Variants in ARHGAP1 observed in about 807,000 individuals in gnomAD.
The protein encoded by ARHGAP1 is rho GTPase-activating protein 1.
A neutral mutation model predicts 52.2 loss-of-function variants in ARHGAP1; 23 were observed. The observed-to-expected ratio is 0.44, with a 90% CI of 0.32 to 0.62. The LOEUF (loss-of-function observed/expected upper bound fraction) is 0.62, where lower values mean the gene tolerates loss of function less well. Among genes scored for constraint, ARHGAP1 ranks in the 20% least tolerant of loss-of-function variants. The pLI is 0.05. For missense variants in ARHGAP1, 480 were observed against 560.9 expected (o/e 0.86, Z 1.46); for synonymous variants, 210 against 228.4 (o/e 0.92, Z 0.73).
chr11:46,677,720 G>A lies in ARHGAP1; in HGVS notation c.*1317C>T, dbSNP rs1405275981. The A allele has an allele frequency of 4.0e-5, 10 of 249,680 alleles. No individual in the cohort carries two copies. In the Admixed American group the frequency reaches 4.9e-4, roughly 12 times the overall value. 15.5% of individuals were successfully genotyped at this position (249,680 alleles called of 1,614,324 possible). A position where few individuals can be genotyped will look rare whatever the true frequency, so the allele number is the denominator to read the frequency against. ...GAATCCCAGCACTTTGGGAGGCCGA[G>A]GTGGGTGGATCATGAGGTCAGGAGA... On this transcript the variant is annotated 3_prime_UTR_variant, in exon 13 of 13. Transcript: ENST00000311956.
In ARHGAP1 at chr11:46,679,164, G is replaced by A. The variant is rs1288278606; in HGVS notation, c.1193C>T (p.Pro398Leu). The stretch of plus-strand genomic sequence containing the variant: ...CGCATCCTTGGCCCACAGCAGGTTA[G>A]GGCCGAAAACAACAGCCAGGTTAGT... ...TNTNLAVVFGPNLLWAKDAAI... is the reference protein window; with the variant it reads ...TNTNLAVVFGLNLLWAKDAAI... The change falls in exon 13 of 13, where the codon CCT becomes CTT. Residue 398 changes from proline to leucine, a missense_variant. By Grantham distance (98) the Pro-to-Leu change is moderately conservative. Coordinates refer to ENST00000311956, the MANE Select transcript of ARHGAP1 (RefSeq NM_004308.5). This position sits in a 1 kb window ranked among gnomAD's most constrained non-coding sequence, Gnocchi z 4.4. 6.2e-7 allele frequency: 1 copy of A among 1,613,636 alleles called. No individual in the cohort carries two copies. The highest frequency in any genetic ancestry group is 1.7e-5 in the Admixed American group (1 of 59,946).
At position 46,681,853 on chromosome 11, in the gene ARHGAP1, A is replaced by G. The variant is rs1438509157; in HGVS notation, c.449+198T>C. Among the ~76,000 whole-genome samples, 1 of 152,240 alleles carries G rather than the reference A, an allele frequency of 6.6e-6. No homozygotes were observed. The highest frequency in any genetic ancestry group is 2.4e-5 in the African/African-American group (1 of 41,460). ...AAGAGGTTAAGTAAAACAAGAGGTCAGAGTGCAAATAAGCTGAGAAACTGG... is the reference window on the plus strand; with the variant it reads ...AAGAGGTTAAGTAAAACAAGAGGTCGGAGTGCAAATAAGCTGAGAAACTGG... On this transcript the variant is annotated intron_variant, in intron 5 of 12. Coordinates refer to ENST00000311956, the MANE Select transcript of ARHGAP1 (RefSeq NM_004308.5). The surrounding 1 kb of genome is among the most constrained non-coding windows in gnomAD (Gnocchi z 5.7).
At chr11:46,691,207 T>G (rs1295834185) in intron 3 of ARHGAP1, among the ~76,000 whole-genome samples, 1 of 152,220 alleles carries the variant, frequency 6.6e-6, no homozygotes, top group East Asian at 1.9e-4. Flanking sequence ...TGGCAGGTAT[T>G]CAATACGTTT....
intron 3 of ARHGAP1, among the ~76,000 whole-genome samples, chr11:46,694,102 A>G (rs2064634274): frequency 6.6e-6 from 1 of 152,168 alleles, no homozygotes; most frequent in Admixed American, 6.5e-5. Context: ...GCCTCCTCTC[A>G]GCAATCAGGG....
At position 46,680,090 on chromosome 11, in the gene ARHGAP1, C is replaced by T. The variant is rs1343227982; in HGVS notation, c.898+115G>A. 2.0e-5 allele frequency: 26 copies of T among 1,317,604 alleles called. No individual in the cohort carries two copies. The highest frequency in any genetic ancestry group is 1.2e-4 in the African/African-American group (8 of 68,600). The allele number at this position is 1,317,604 out of a possible 1,614,324, so 81.6% of individuals were successfully genotyped here. A position where few individuals can be genotyped will look rare whatever the true frequency, so the allele number is the denominator to read the frequency against. ...AGGACTTATGTGACACCCAGAGCCACGGAAACCTCCAGCAGGAAGAGACTC... is the reference window on the plus strand; with the variant it reads ...AGGACTTATGTGACACCCAGAGCCATGGAAACCTCCAGCAGGAAGAGACTC... On this transcript the variant is annotated intron_variant, in intron 10 of 12. Transcript: ENST00000311956. This position sits in a 1 kb window ranked among gnomAD's most constrained non-coding sequence, Gnocchi z 5.9.
At position 46,694,878 on chromosome 11, in the gene ARHGAP1, G is replaced by C. The variant is rs545145746; in HGVS notation, c.229+782C>G. ...AGCCAGACAGGCTTCTTCCAGGGCC[G>C]GTGTCTGCCAGGTTCTCCTTGCCCA... On this transcript the variant is annotated intron_variant, in intron 3 of 12. Transcript: ENST00000311956. Among the ~76,000 whole-genome samples the C allele has an allele frequency of 2.0e-5, 3 of 152,240 alleles. No homozygotes were observed. The South Asian group carries it at 6.2e-4, about 32-fold the overall frequency.
chr11:46,696,606 C>T lies in ARHGAP1; in HGVS notation c.-49-450G>A, dbSNP rs369662657. On this transcript the variant is annotated intron_variant, in intron 1 of 12. Transcript: ENST00000311956. The surrounding 1 kb of genome is among the most constrained non-coding windows in gnomAD (Gnocchi z 4.8). ...GGAACATGCTGGGCACCGTGGCTCA[C>T]GCCTGTAATCCCAGCACTTTGGGAG... Among the ~76,000 whole-genome samples the T allele has an allele frequency of 2.0e-5, 3 of 152,348 alleles. No individual in the cohort carries two copies. The highest frequency in any genetic ancestry group is 1.9e-4 in the East Asian group (1 of 5,184).
chr11:46,679,856 C>T lies in ARHGAP1; in HGVS notation c.899-80G>A. The T allele has an allele frequency of 5.0e-6, 8 of 1,586,572 alleles. No individual in the cohort carries two copies. Among genetic ancestry groups the T allele is most frequent in the South Asian group, 1.1e-5 (1 of 88,038 alleles). On this transcript the variant is annotated intron_variant, in intron 10 of 12. Coordinates refer to ENST00000311956, the MANE Select transcript of ARHGAP1 (RefSeq NM_004308.5). The surrounding 1 kb of genome is among the most constrained non-coding windows in gnomAD (Gnocchi z 4.4). ...TCTGCAGACAACGCGGGCCGCACTG[C>T]CTGACTGCCCCTGGACACTGCATAA...
rs984571365 is a variant in ARHGAP1 at position 46,685,561 on chromosome 11, G to A, written c.317+2612C>T. Among the ~76,000 whole-genome samples, 52 of 151,792 alleles carry A rather than the reference G, an allele frequency of 3.4e-4. No individual in the cohort carries two copies. In the Middle Eastern group the frequency reaches 0.014, roughly 40 times the overall value. On this transcript the variant is annotated intron_variant, in intron 4 of 12. Coordinates refer to ENST00000311956, the MANE Select transcript of ARHGAP1 (RefSeq NM_004308.5). ...AGGCTGGTGTTGAACTCCTGACCTC[G>A]TGATCCACCCACCTTCGCCTCCCAA...
chr11:46,695,758 G>A lies in ARHGAP1; in HGVS notation c.134-3C>T. 6.4e-7 allele frequency: 1 copy of A among 1,552,620 alleles called. No individual in the cohort carries two copies. Among genetic ancestry groups the A allele is most frequent in the Non-Finnish European group, 8.7e-7 (1 of 1,147,376 alleles). ...CGGGGAGCTGCTTTTGGAGTCATCT[G>A]AGGAACACAGCAGGGTCAGGGGACA... On this transcript the variant is annotated splice_polypyrimidine_tract_variant and splice_region_variant and intron_variant, in intron 2 of 12. Coordinates refer to ENST00000311956, the MANE Select transcript of ARHGAP1 (RefSeq NM_004308.5).
At chr11:46,683,846 G>A (rs998661156) in intron 4 of ARHGAP1, among the ~76,000 whole-genome samples, 48 of 152,080 alleles carry the variant, frequency 3.2e-4, no homozygotes, top group East Asian at 1.7e-3. Context: ...CTCCATGTTC[G>A]TCAGGCTGGT....
chr11:46,685,087 CAAAA>C (rs774989985), intron 4 of ARHGAP1, among the ~76,000 whole-genome samples: 1 of 80,372 alleles, frequency 1.2e-5, no homozygotes, highest in Admixed American at 1.4e-4. Flanking sequence ...GGCTCGGTCT[CAAAA>C]AAAAAAAAAA....
rs1300493812 is a variant in ARHGAP1, at chr11:46,680,857, CTG to C, written c.636-112_636-111del. The C allele has an allele frequency of 1.9e-6, 2 of 1,072,062 alleles. No homozygotes were observed. Among genetic ancestry groups the C allele is most frequent in the African/African-American group, 3.2e-5 (2 of 63,290 alleles). 66.4% of individuals were successfully genotyped at this position (1,072,062 alleles called of 1,614,324 possible). ...TCAGGAGGATCATCTCATGCGATCT[CTG>C]TAACAACTCCGCTTTCCACAGCAGA... is the stretch of plus-strand genomic sequence containing the variant. On this transcript the variant is annotated intron_variant, in intron 7 of 12. Transcript: ENST00000311956. The surrounding 1 kb of genome is among the most constrained non-coding windows in gnomAD (Gnocchi z 5.9).
chr11:46,692,182 G>C (rs2064619771), intron 3 of ARHGAP1, among the ~76,000 whole-genome samples: 1 of 152,190 alleles, frequency 6.6e-6, no homozygotes, highest in African/African-American at 2.4e-5. Flanking sequence ...TCTGACAGTG[G>C]AAGGAAAAGC....
chr11:46,677,892 C>A lies in ARHGAP1; in HGVS notation c.*1145G>T. ...TTGAACCCAGAAGGCGGAGGTGTGC[C>A]GAGATCGCGCCACTGCACTCCAGCC... On this transcript the variant is annotated 3_prime_UTR_variant, in exon 13 of 13. Transcript: ENST00000311956. 1 of 423,672 alleles carries A rather than the reference C, an allele frequency of 2.4e-6. No individual in the cohort carries two copies. The highest frequency in any genetic ancestry group is 4.6e-6 in the Non-Finnish European group (1 of 215,628). 26.2% of individuals were successfully genotyped at this position (423,672 alleles called of 1,614,324 possible). A position where few individuals can be genotyped will look rare whatever the true frequency, so the allele number is the denominator to read the frequency against.
At chr11:46,695,941 G>T (rs1490159632) in intron 2 of ARHGAP1, 34 bp downstream of exon 2, 1 of 1,613,958 alleles carries the variant, frequency 6.2e-7, no homozygotes, top group East Asian at 2.2e-5. Flanking sequence ...CCTCTAAAGC[G>T]CCTGTAGCTG....
chr11:46,681,907 T>C lies in ARHGAP1; in HGVS notation c.449+144A>G. On this transcript the variant is annotated intron_variant, in intron 5 of 12. Transcript: ENST00000311956. The surrounding 1 kb of genome is among the most constrained non-coding windows in gnomAD (Gnocchi z 5.7). Reference sequence around the variant, plus strand: ...TTACTTAAGCCCAGGGTGATCTGACTGCAGATTCTTTACATTGACGTAGAC... The same window carrying C: ...TTACTTAAGCCCAGGGTGATCTGACCGCAGATTCTTTACATTGACGTAGAC... 1 of 1,163,384 alleles carries C rather than the reference T, an allele frequency of 8.6e-7. No individual in the cohort carries two copies. Among genetic ancestry groups the C allele is most frequent in the Admixed American group, 2.4e-5 (1 of 41,266 alleles). The allele number at this position is 1,163,384 out of a possible 1,614,324, so 72.1% of individuals were successfully genotyped here. A position where few individuals can be genotyped will look rare whatever the true frequency, so the allele number is the denominator to read the frequency against.
chr11:46,686,511 C>T (rs1173064346), intron 4 of ARHGAP1, among the ~76,000 whole-genome samples: 3 of 150,236 alleles, frequency 2.0e-5, no homozygotes, highest in South Asian at 2.1e-4. Flanking sequence ...CTCTGCCTCC[C>T]GGGTTCACGC....
intron 4 of ARHGAP1, among the ~76,000 whole-genome samples, chr11:46,685,448 C>T (rs894586056): frequency 1.3e-5 from 2 of 151,568 alleles, no homozygotes; most frequent in African/African-American, 4.8e-5. Context: ...CAGCCTCAGC[C>T]TCCTAAGTAG....
Sources: gnomAD v4.1 joint callset for allele counts (sites outside exome capture counted in the v4.1 genomes callset) on GRCh38, gnomAD v4.1.1 for gene constraint, Gnocchi (gnomAD v3.1) non-coding constraint, MANE v1.5 for transcripts, NCBI Gene and HGNC (gene_info 2026-07-23, HGNC 2026-07-21) for gene names.